Variants in POM121 observed in about 807,000 individuals in gnomAD.
POM121 encodes the protein POM121 transmembrane nucleoporin.
A neutral mutation model predicts 81.3 loss-of-function variants in POM121; 32 were observed. That is an observed-to-expected ratio of 0.39 (90% CI 0.30 to 0.53). The LOEUF (loss-of-function observed/expected upper bound fraction) is 0.53, where lower values mean the gene tolerates loss of function less well. POM121 is among the 20% of genes least tolerant of loss of function. The pLI is 0.66. For synonymous variants in POM121, 514 were observed against 694.2 expected (o/e 0.74, Z 4.08); for missense variants, 1,138 against 1,614.6 (o/e 0.70, Z 5.06).
intron 3 of POM121, among the ~76,000 whole-genome samples, chr7:72,893,557 C>T (rs536575462): frequency 5.1e-4 from 78 of 152,242 alleles, no homozygotes; most frequent in Admixed American, 1.0e-3. Flanking sequence ...GCACTCCAGC[C>T]TGGGCGACAG....
In POM121 at chr7:72,939,420, G is replaced by C; in HGVS notation, c.1441+11G>C. ...CCCAGGGAGAAAAGGGTAGGTTGCTGAGCCAGGAGGAGGGGCTGCTGTTGG... is the reference window on the plus strand; with the variant it reads ...CCCAGGGAGAAAAGGGTAGGTTGCTCAGCCAGGAGGAGGGGCTGCTGTTGG... On this transcript the variant is annotated intron_variant, in intron 7 of 12. Coordinates refer to ENST00000434423, the MANE Select transcript of POM121 (RefSeq NM_001387691.1). 2 of 1,613,798 alleles carry C rather than the reference G, an allele frequency of 1.2e-6. No individual in the cohort carries two copies. The highest frequency in any genetic ancestry group is 1.7e-6 in the Non-Finnish European group (2 of 1,179,760).
chr7:72,937,398 A>G (rs2129579408), intron 5 of POM121, among the ~76,000 whole-genome samples: 1 of 151,868 alleles, frequency 6.6e-6, no homozygotes, highest in African/African-American at 2.4e-5. Context: ...GCTCTTTTAT[A>G]TGCCTGTAAT....
At chr7:72,934,504 T>C (rs1181809557) in intron 5 of POM121, among the ~76,000 whole-genome samples, 3 of 152,158 alleles carry the variant, frequency 2.0e-5, no homozygotes, top group Non-Finnish European at 2.9e-5. Context: ...TCTACTTCCT[T>C]GTGGTTAGCA....
At chr7:72,927,541 C>G (rs148621992) in intron 3 of POM121, among the ~76,000 whole-genome samples, 2,517 of 152,100 alleles carry the variant, frequency 0.017, 69 homozygotes, top group African/African-American at 0.057. Context: ...GAAACCCCAT[C>G]TCTACTAAAA....
intron 3 of POM121, among the ~76,000 whole-genome samples, chr7:72,905,985 T>G (rs1793199584): frequency 6.6e-6 from 1 of 152,210 alleles, no homozygotes. Context: ...CCTCAAAATG[T>G]GATTCTCTCA....
chr7:72,892,188 A>T (rs1246862980), intron 3 of POM121, among the ~76,000 whole-genome samples: 1 of 152,240 alleles, frequency 6.6e-6, no homozygotes, highest in Non-Finnish European at 1.5e-5. Context: ...ATCCCGTAAA[A>T]GAGTTTATCT....
At chr7:72,882,233 G>A (rs1790232752) in intron 1 of POM121, among the ~76,000 whole-genome samples, 1 of 152,158 alleles carries the variant, frequency 6.6e-6, no homozygotes, top group African/African-American at 2.4e-5. Flanking sequence ...AAGCATGGCT[G>A]AGGGGGCCTC....
chr7:72,926,986 A>C (rs782780223), intron 3 of POM121, 23 bp downstream of exon 3: 1 of 1,613,996 alleles, frequency 6.2e-7, no homozygotes, highest in South Asian at 1.1e-5. Flanking sequence ...GGAGAGTACT[A>C]AGCCGGTTTC....
intron 12 of POM121, 27 bp from the exon 13 acceptor site, chr7:72,946,110 T>C (rs1319932492): frequency 2.5e-6 from 4 of 1,610,318 alleles, no homozygotes; most frequent in African/African-American, 1.3e-5. Context: ...GCAGCTGCCC[T>C]GATGAGGTCT....
chr7:72,905,130 C>T (rs1793110212), intron 3 of POM121, among the ~76,000 whole-genome samples: 1 of 152,104 alleles, frequency 6.6e-6, no homozygotes, highest in South Asian at 2.1e-4. Context: ...GGCAGTTTTG[C>T]TTGGTTTATC....
chr7:72,933,837 A>C (rs1387045199), intron 5 of POM121, among the ~76,000 whole-genome samples: 2 of 152,358 alleles, frequency 1.3e-5, no homozygotes, highest in East Asian at 3.9e-4. Context: ...TGAATAACTT[A>C]CAGTATTGGT....
chr7:72,925,813 G>C, intron 1 of POM121, 48 bp downstream of exon 1: 1 of 1,313,138 alleles, frequency 7.6e-7, no homozygotes, highest in Non-Finnish European at 9.7e-7. Context: ...CGGCTGGCTT[G>C]AAATCGAGGA....
chr7:72,892,512 G>C (rs1332968957), intron 3 of POM121, among the ~76,000 whole-genome samples: 2 of 152,188 alleles, frequency 1.3e-5, no homozygotes, highest in African/African-American at 4.8e-5. Flanking sequence ...TTAGTGTTCA[G>C]TATTCTCCCA....
chr7:72,881,990 G>A (rs1455976040), intron 1 of POM121, among the ~76,000 whole-genome samples: 3 of 152,146 alleles, frequency 2.0e-5, no homozygotes, highest in African/African-American at 7.2e-5. Context: ...AATACAGTTA[G>A]TGTGGCAGAT....
chr7:72,928,589 G>C, intron 4 of POM121, 124 bp downstream of exon 4: 1 of 1,172,836 alleles, frequency 8.5e-7, no homozygotes, highest in Non-Finnish European at 1.2e-6. Context: ...TCACGTCTTT[G>C]AAATTAGGAA....
chr7:72,903,415 C>T lies in POM121; in HGVS notation c.-215-10350C>T, dbSNP rs145182504. ...TCACACCACTGCACTCCAGTCTGGACGACAGAGCGAAGACTCCGTCTCAAA... is the reference window on the plus strand; with the variant it reads ...TCACACCACTGCACTCCAGTCTGGATGACAGAGCGAAGACTCCGTCTCAAA... On this transcript the variant is annotated intron_variant, in intron 3 of 15. Coordinates refer to the POM121 transcript ENST00000395270. Among the ~76,000 whole-genome samples the T allele has an allele frequency of 9.5e-3, 1,446 of 152,230 alleles. 25 individuals are homozygous for T. The highest frequency in any genetic ancestry group is 0.032 in the African/African-American group (1,332 of 41,546).
In POM121 at chr7:72,938,631, C is replaced by T; in HGVS notation, c.1317C>T (p.Ser439=). ...GCCCCAGTTCATCACCCTTCTCTAGCCCAGCCTCCTCCCGCTCCCAGACAC... is the reference window on the plus strand; with the variant it reads ...GCCCCAGTTCATCACCCTTCTCTAGTCCAGCCTCCTCCCGCTCCCAGACAC... ...RNGPSSSPFS[S]PASSRSQTPE... Residue 439 remains serine (S), a synonymous_variant, in exon 6 of 13, where the codon AGC becomes AGT. Coordinates refer to ENST00000434423, the MANE Select transcript of POM121 (RefSeq NM_001387691.1). 6.2e-7 allele frequency: 1 copy of T among 1,613,886 alleles called. No individual in the cohort carries two copies. Among genetic ancestry groups the T allele is most frequent in the South Asian group, 1.1e-5 (1 of 91,074 alleles).
intron 3 of POM121, chr7:72,913,749 C>T (rs566324000): frequency 6.6e-6 from 1 of 152,382 alleles, no homozygotes; most frequent in Non-Finnish European, 1.5e-5. Context: ...GAAACTCTTC[C>T]TCATTCTCCT....
At chr7:72,922,592 T>C (rs1794915385), upstream of POM121, among the ~76,000 whole-genome samples, 1 of 151,776 alleles carries the variant, frequency 6.6e-6, no homozygotes, top group Non-Finnish European at 1.5e-5. Context: ...GGTTCTATCA[T>C]GTTGCCTAGG....
Sources: allele counts gnomAD v4.1 joint callset (sites outside exome capture counted in the v4.1 genomes callset), GRCh38; gene constraint gnomAD v4.1.1; transcripts MANE v1.5; gene names NCBI Gene and HGNC (gene_info 2026-07-23, HGNC 2026-07-21).